The following MARCHF1 variants were observed in gnomAD, a reference collection of about 807,000 sequenced individuals.
MARCHF1 encodes membrane associated ring-CH-type finger 1, also known as E3 ubiquitin-protein ligase MARCHF1.
In MARCHF1, 40 loss-of-function variants were observed where a neutral mutation model predicts 54.2. The observed-to-expected ratio is 0.74, with a 90% CI of 0.57 to 0.96. The LOEUF is 0.96. Among genes scored for constraint, MARCHF1 ranks in the 40% least tolerant of loss-of-function variants. MARCHF1 has a pLI of 0.00. For synonymous variants in MARCHF1, 236 were observed against 236.3 expected, an observed-to-expected ratio of 1.00 and a Z score of 0.01; for missense variants, 586 against 656.5, an observed-to-expected ratio of 0.89 and a Z score of 1.17.
chr4:163,796,221 G>GTTTTTTTTTTTTTTTTTT (rs36039503), intron 4 of MARCHF1, among the ~76,000 whole-genome samples: 1 of 82,236 alleles, frequency 1.2e-5, no homozygotes. Flanking sequence ...GAAACTTCTA[G>GTTTTTTTTTTTTTTTTTT]TTTTTTTTTT....
At chr4:163,725,728 A>T (rs1262110919) in intron 4 of MARCHF1, among the ~76,000 whole-genome samples, 1 of 152,170 alleles carries the variant, frequency 6.6e-6, no homozygotes, top group Non-Finnish European at 1.5e-5. Context: ...TGTTGGATCT[A>T]TTATTTGTCA....
chr4:164,271,127 G>A (rs893545649), intron 1 of MARCHF1, among the ~76,000 whole-genome samples: 4 of 152,164 alleles, frequency 2.6e-5, no homozygotes, highest in African/African-American at 9.7e-5. Context: ...AATGAAAGAT[G>A]CTAGGCAAAT....
intron 3 of MARCHF1, among the ~76,000 whole-genome samples, chr4:163,888,759 C>T (rs943372296): frequency 6.6e-6 from 1 of 152,012 alleles, no homozygotes; most frequent in Non-Finnish European, 1.5e-5. Context: ...TCAAGACAAC[C>T]CCTCTGAAGG....
At chr4:164,161,993 A>G (rs1232017789) in intron 1 of MARCHF1, among the ~76,000 whole-genome samples, 1 of 152,186 alleles carries the variant, frequency 6.6e-6, no homozygotes, top group Non-Finnish European at 1.5e-5. Context: ...GCTCCAAGGC[A>G]TATAATCTCA....
chr4:164,154,231 GAAAAA>G (rs1171152931), intron 1 of MARCHF1, among the ~76,000 whole-genome samples: 2 of 152,082 alleles, frequency 1.3e-5, no homozygotes, highest in African/African-American at 4.8e-5. Flanking sequence ...AAAAGAAAAA[GAAAAA>G]GTTTCTAGTC....
intron 2 of MARCHF1, among the ~76,000 whole-genome samples, chr4:164,068,865 G>A (rs1045852849): frequency 6.6e-6 from 1 of 152,222 alleles, no homozygotes; most frequent in Admixed American, 6.5e-5. Context: ...TTAAGGGATT[G>A]TAAATACACC....
chr4:163,804,905 C>T (rs912815531), intron 4 of MARCHF1, among the ~76,000 whole-genome samples: 1 of 152,144 alleles, frequency 6.6e-6, no homozygotes, highest in African/African-American at 2.4e-5. Flanking sequence ...AAATTCCTCA[C>T]TTAAAAGACA....
At chr4:163,812,495 C>CA (rs1748420222) in intron 4 of MARCHF1, among the ~76,000 whole-genome samples, 1 of 152,164 alleles carries the variant, frequency 6.6e-6, no homozygotes, top group Non-Finnish European at 1.5e-5. Context: ...CAGTGGCTCA[C>CA]ACCTGTAATC....
intron 8 of MARCHF1, among the ~76,000 whole-genome samples, chr4:163,562,690 A>T (rs1169834709): frequency 6.6e-6 from 1 of 151,976 alleles, no homozygotes; most frequent in African/African-American, 2.4e-5. Context: ...GTCAGTCCAG[A>T]CTCAACCTTT....
intron 1 of MARCHF1, among the ~76,000 whole-genome samples, chr4:164,128,560 C>A (rs921263576): frequency 2.0e-5 from 3 of 151,624 alleles, no homozygotes; most frequent in Non-Finnish European, 2.9e-5. Flanking sequence ...AGTAACAATA[C>A]CTTGAGATAC....
intron 2 of MARCHF1, among the ~76,000 whole-genome samples, chr4:164,108,533 C>T (rs1242940288): frequency 6.6e-6 from 1 of 151,736 alleles, no homozygotes; most frequent in African/African-American, 2.4e-5. Flanking sequence ...AACTGGAATC[C>T]CACATTTAAT....
At chr4:164,351,024 T>C (rs7665888) in intron 1 of MARCHF1, among the ~76,000 whole-genome samples, 65,327 of 150,640 alleles carry the variant, frequency 0.43, 14,790 homozygotes, top group Non-Finnish European at 0.5. Flanking sequence ...AAAATCGGGT[T>C]ACTCCCACCC....
intron 1 of MARCHF1, among the ~76,000 whole-genome samples, chr4:164,144,176 C>A (rs1729599302): frequency 6.7e-6 from 1 of 150,204 alleles, no homozygotes; most frequent in Non-Finnish European, 1.5e-5. Context: ...TAAAGCAAGT[C>A]CTGACTGACC....
chr4:163,572,927 T>C (rs1739889823), intron 8 of MARCHF1, among the ~76,000 whole-genome samples: 1 of 152,100 alleles, frequency 6.6e-6, no homozygotes, highest in Non-Finnish European at 1.5e-5. Flanking sequence ...TTGAAATAAA[T>C]ACTCATGTGA....
intron 8 of MARCHF1, among the ~76,000 whole-genome samples, chr4:163,566,866 A>G (rs1261120553): frequency 6.6e-6 from 1 of 152,222 alleles, no homozygotes; most frequent in Non-Finnish European, 1.5e-5. Context: ...CCTAAGTATT[A>G]GAATTTCTCA....
At chr4:164,084,728 G>GT (rs11387218) in intron 2 of MARCHF1, among the ~76,000 whole-genome samples, 105,047 of 151,452 alleles carry the variant, frequency 0.69, 38,193 homozygotes, top group Non-Finnish European at 0.82. Context: ...AGTAAGCAAT[G>GT]TTTTTTCAGT....
intron 1 of MARCHF1, among the ~76,000 whole-genome samples, chr4:164,346,575 C>T (rs1436201299): frequency 3.9e-5 from 3 of 77,446 alleles, no homozygotes; most frequent in Admixed American, 2.7e-4. Context: ...CTGACAAATG[C>T]TGATGTCCTC....
At chr4:164,284,059 T>C (rs911262621) in intron 1 of MARCHF1, among the ~76,000 whole-genome samples, 1 of 151,090 alleles carries the variant, frequency 6.6e-6, no homozygotes, top group South Asian at 2.1e-4. Context: ...GTCAATTCCA[T>C]TGGAGCAATT....
intron 2 of MARCHF1, among the ~76,000 whole-genome samples, chr4:164,041,425 C>T (rs1754126963): frequency 6.6e-6 from 1 of 152,142 alleles, no homozygotes; most frequent in African/African-American, 2.4e-5. Context: ...GGATAAGATT[C>T]ATGCCTTCCT....
Sources: gnomAD v4.1 joint callset for allele counts (sites outside exome capture counted in the v4.1 genomes callset) on GRCh38, gnomAD v4.1.1 for gene constraint, MANE v1.5 for transcripts, NCBI Gene and HGNC (gene_info 2026-07-23, HGNC 2026-07-21) for gene names.